The following NRXN3 variants were observed in gnomAD, a reference collection of about 807,000 sequenced individuals.
The protein encoded by NRXN3 is neurexin III.
NRXN3 carries 32 observed loss-of-function variants against 137.6 expected under a neutral mutation model. That is an observed-to-expected ratio of 0.23 (90% confidence interval 0.18 to 0.31). NRXN3 has a LOEUF of 0.31. NRXN3 is among the 10% of genes least tolerant of loss of function. The pLI, the probability that NRXN3 is intolerant of heterozygous loss-of-function variation, is 1.00. For missense variants in NRXN3, 1,574 were observed against 2,062.5 expected (o/e 0.76, Z 4.59); for synonymous variants, 798 against 784.5 (o/e 1.02, Z -0.29).
chr14:78,873,808 C>T (rs1442840952), intron 10 of NRXN3, among the ~76,000 whole-genome samples: 1 of 152,094 alleles, frequency 6.6e-6, no homozygotes, highest in Non-Finnish European at 1.5e-5. Context: ...TACTGGAACA[C>T]AATCTACGTT....
chr14:79,230,120 C>A (rs1036798955), intron 15 of NRXN3, among the ~76,000 whole-genome samples: 16 of 152,080 alleles, frequency 1.1e-4, no homozygotes, highest in African/African-American at 3.6e-4. Flanking sequence ...TTCAAAGTAG[C>A]ATCTGGAAAA....
intron 16 of NRXN3, among the ~76,000 whole-genome samples, chr14:79,557,014 A>C (rs542948777): frequency 6.6e-6 from 1 of 150,866 alleles, no homozygotes; most frequent in African/African-American, 2.4e-5. Flanking sequence ...CAACATCCAC[A>C]CAATTAGCAA....
chr14:79,372,815 T>C lies in NRXN3; in HGVS notation c.3263-94406T>C, dbSNP rs572629958. The stretch of plus-strand genomic sequence containing the variant: ...CCTACCCCCAAAGAAACTTGACATA[T>C]TCGTTTCAAAGCATACACTGCTTTT... On this transcript the variant is annotated intron_variant, in intron 15 of 20. Transcript: ENST00000335750. 2.6e-5 allele frequency among the ~76,000 whole-genome samples: 4 copies of C among 152,306 alleles called. No homozygotes were observed. In the East Asian group the frequency reaches 7.7e-4, roughly 29 times the overall value.
chr14:78,949,737 A>G (rs1293263852), intron 10 of NRXN3, among the ~76,000 whole-genome samples: 1 of 152,208 alleles, frequency 6.6e-6, no homozygotes, highest in African/African-American at 2.4e-5. Context: ...TAGAAAGGTT[A>G]TAAAAGTAAT....
intron 16 of NRXN3, among the ~76,000 whole-genome samples, chr14:79,532,626 T>C (rs1284292906): frequency 3.3e-5 from 5 of 152,174 alleles, no homozygotes; most frequent in Non-Finnish European, 7.3e-5. Context: ...ATGTGTTCCA[T>C]GATGCGAAAA....
At chr14:79,176,174 T>C (rs61992557) in intron 15 of NRXN3, among the ~76,000 whole-genome samples, 42,802 of 152,162 alleles carry the variant, frequency 0.28, 6,590 homozygotes, top group Non-Finnish European at 0.35. Context: ...TGTACTGTTA[T>C]AGCAATTCTT....
At chr14:79,219,543 G>C (rs1470563675) in intron 15 of NRXN3, among the ~76,000 whole-genome samples, 1 of 152,156 alleles carries the variant, frequency 6.6e-6, no homozygotes, top group Non-Finnish European at 1.5e-5. Context: ...ATAAAGCAGA[G>C]AGACTTTTCC....
intron 15 of NRXN3, among the ~76,000 whole-genome samples, chr14:79,189,491 A>G (rs904029459): frequency 3.9e-5 from 6 of 152,012 alleles, no homozygotes; most frequent in African/African-American, 7.3e-5. Context: ...TACATGTGTA[A>G]CTAACCTGCA....
At chr14:79,166,172 G>A (rs1158286128) in intron 15 of NRXN3, among the ~76,000 whole-genome samples, 5 of 151,950 alleles carry the variant, frequency 3.3e-5, no homozygotes, top group Admixed American at 3.3e-4. Flanking sequence ...AATAATTCAA[G>A]GGATGTGTTA....
intron 2 of NRXN3, among the ~76,000 whole-genome samples, chr14:78,262,493 T>C (rs2070911316): frequency 6.6e-6 from 1 of 152,128 alleles, no homozygotes; most frequent in Non-Finnish European, 1.5e-5. Flanking sequence ...AAAGCAATAA[T>C]GTAATTTGCC....
chr14:79,531,631 A>T (rs572441727), intron 16 of NRXN3, among the ~76,000 whole-genome samples: 2 of 152,294 alleles, frequency 1.3e-5, no homozygotes, highest in South Asian at 4.1e-4. Flanking sequence ...GTATTAAGAA[A>T]ATTATAAGAT....
intron 19 of NRXN3, among the ~76,000 whole-genome samples, chr14:79,701,851 A>G (rs111939195): frequency 6.6e-6 from 1 of 152,124 alleles, no homozygotes; most frequent in African/African-American, 2.4e-5. Context: ...TGGCTATGTT[A>G]TATGATTGTC....
chr14:78,312,000 A>G (rs7152135), intron 4 of NRXN3, among the ~76,000 whole-genome samples: 12,631 of 152,156 alleles, frequency 0.083, 936 homozygotes, highest in East Asian at 0.29. Flanking sequence ...AATTTGTAGC[A>G]CAATCGGGAC....
At chr14:78,713,254 T>C (rs905101895) in intron 7 of NRXN3, among the ~76,000 whole-genome samples, 47 of 152,246 alleles carry the variant, frequency 3.1e-4, no homozygotes, top group Admixed American at 1.3e-4. Context: ...TCCAACCCCT[T>C]CCTGGGTCTG....
At chr14:78,254,939 G>A (rs376763500) in intron 2 of NRXN3, among the ~76,000 whole-genome samples, 16 of 152,070 alleles carry the variant, frequency 1.1e-4, no homozygotes, top group South Asian at 2.1e-4. Context: ...TTCCCTGTGC[G>A]AAAATGCTTC....
chr14:78,978,263 A>G (rs1441482191), intron 14 of NRXN3, among the ~76,000 whole-genome samples: 1 of 152,176 alleles, frequency 6.6e-6, no homozygotes, highest in Admixed American at 6.5e-5. Context: ...ACTTCAAGAC[A>G]AAAAGCATGA....
intron 1 of NRXN3, among the ~76,000 whole-genome samples, chr14:78,240,363 C>T (rs2066921491): frequency 6.6e-6 from 1 of 152,194 alleles, no homozygotes; most frequent in Non-Finnish European, 1.5e-5. Context: ...GAGATTCATT[C>T]CTTCTCTATG....
intron 8 of NRXN3, among the ~76,000 whole-genome samples, chr14:78,721,998 A>T (rs1325556663): frequency 1.3e-5 from 2 of 151,302 alleles, no homozygotes; most frequent in African/African-American, 4.9e-5. Context: ...GGGTTTTATG[A>T]TTGCAGAAAG....
intron 10 of NRXN3, among the ~76,000 whole-genome samples, chr14:78,948,628 C>CTTTTTTTTTTTTTTTT (rs201010514): frequency 7.4e-5 from 8 of 108,604 alleles, no homozygotes; most frequent in African/African-American, 9.8e-5. Context: ...ACACATTTAA[C>CTTTTTTTTTTTTTTTT]TTTTTTTTTT....
Sources: allele counts gnomAD v4.1 joint callset (sites outside exome capture counted in the v4.1 genomes callset), GRCh38; gene constraint gnomAD v4.1.1; transcripts MANE v1.5; gene names NCBI Gene and HGNC (gene_info 2026-07-23, HGNC 2026-07-21).